Variants in PITPNM2 observed in about 807,000 individuals in gnomAD.
PITPNM2 encodes phosphatidylinositol transfer protein membrane associated 2, also known as membrane-associated phosphatidylinositol transfer protein 2.
In PITPNM2, 35 loss-of-function variants were observed where a neutral mutation model predicts 132.2. That is an observed-to-expected ratio of 0.26 (90% CI 0.20 to 0.35). The LOEUF (loss-of-function observed/expected upper bound fraction) is 0.35, where lower values mean the gene tolerates loss of function less well. PITPNM2 is among the 10% of genes least tolerant of loss of function. The pLI, the probability that PITPNM2 is intolerant of heterozygous loss-of-function variation, is 1.00. For missense variants in PITPNM2, 1,332 were observed against 1,912.0 expected (o/e 0.70, Z 5.66); for synonymous variants, 738 against 799.2 (o/e 0.92, Z 1.29).
chr12:123,119,271 G>C (rs2137420384), intron 1 of PITPNM2, among the ~76,000 whole-genome samples: 1 of 151,964 alleles, frequency 6.6e-6, no homozygotes, highest in Non-Finnish European at 1.5e-5. Context: ...TTCTGCCTAA[G>C]CTTTGTCATG....
chr12:123,024,143 A>G (rs1449725336), intron 3 of PITPNM2, among the ~76,000 whole-genome samples: 2 of 152,226 alleles, frequency 1.3e-5, no homozygotes, highest in Non-Finnish European at 2.9e-5. Flanking sequence ...TTTCTACAAA[A>G]AGATTATACA....
chr12:122,992,043 C>A lies in PITPNM2; in HGVS notation c.2404+456G>T, dbSNP rs1036068552. On this transcript the variant is annotated intron_variant, in intron 16 of 25. Transcript: ENST00000320201. This position sits in a 1 kb window ranked among gnomAD's most constrained non-coding sequence, Gnocchi z 6.5. ...ACACACGCTGGGGCAGGGGTCGGGCCAAGCCTACCTGGACCTCCCCTGCCC... is the reference window on the plus strand; with the variant it reads ...ACACACGCTGGGGCAGGGGTCGGGCAAAGCCTACCTGGACCTCCCCTGCCC... 3.3e-5 allele frequency: 24 copies of A among 719,510 alleles called. No homozygotes were observed. The Admixed American group carries it at 7.9e-4, about 24-fold the overall frequency. The allele number at this position is 719,510 out of a possible 1,614,324, so 44.6% of individuals were successfully genotyped here.
intron 1 of PITPNM2, among the ~76,000 whole-genome samples, chr12:123,121,072 T>A (rs532360968): frequency 5.5e-4 from 84 of 152,352 alleles, no homozygotes; most frequent in African/African-American, 2.0e-3. Context: ...GCTCCTTCTC[T>A]GGGGAGCTGA....
intron 23 of PITPNM2, 116 bp downstream of exon 23, chr12:122,987,165 T>A (rs1479567062): frequency 6.9e-7 from 1 of 1,446,096 alleles, no homozygotes; most frequent in Admixed American, 1.9e-5. Flanking sequence ...TAAGGCCCAG[T>A]GCCCGAGCCA....
chr12:122,997,689 G>T (rs2038491172), intron 10 of PITPNM2, 117 bp from the exon 11 acceptor site: 1 of 1,415,298 alleles, frequency 7.1e-7, no homozygotes, highest in African/African-American at 1.4e-5. Flanking sequence ...CTCCCTCTGA[G>T]AACCCCAGTT....
At position 123,005,646 on chromosome 12, in the gene PITPNM2, G is replaced by T; in HGVS notation, c.644-98C>A. On this transcript the variant is annotated intron_variant, in intron 6 of 25. Coordinates refer to ENST00000320201, the MANE Select transcript of PITPNM2 (RefSeq NM_020845.3). The surrounding 1 kb of genome is among the most constrained non-coding windows in gnomAD (Gnocchi z 6.2). ...GGGGCCCAGGCAGGGGCTTTGGGAG[G>T]CTGTACCCATGTTGCAGGTCAAACT... is the stretch of plus-strand genomic sequence containing the variant. The T allele has an allele frequency of 8.0e-7, 1 of 1,243,988 alleles. No individual in the cohort carries two copies. The highest frequency in any genetic ancestry group is 1.1e-6 in the Non-Finnish European group (1 of 893,284). The allele number at this position is 1,243,988 out of a possible 1,614,324, so 77.1% of individuals were successfully genotyped here.
At chr12:123,068,502 A>T (rs7968045) in intron 2 of PITPNM2, among the ~76,000 whole-genome samples, 85 of 138,220 alleles carry the variant, frequency 6.1e-4, no homozygotes, top group African/African-American at 2.7e-3. Flanking sequence ...AATAAATAAA[A>T]ATAATCCTTG....
At chr12:123,030,679 C>T (rs998074242) in intron 3 of PITPNM2, among the ~76,000 whole-genome samples, 6 of 148,914 alleles carry the variant, frequency 4.0e-5, no homozygotes, top group African/African-American at 1.5e-4. Flanking sequence ...GGCGACAGAG[C>T]GAGACTCCAT....
At chr12:123,127,364 C>T (rs532468361) in intron 1 of PITPNM2, among the ~76,000 whole-genome samples, 2 of 152,088 alleles carry the variant, frequency 1.3e-5, no homozygotes, top group Non-Finnish European at 1.5e-5. Flanking sequence ...AGGTCACTGG[C>T]GTGTTGATGC....
chr12:122,996,693 T>C (rs761724324), intron 12 of PITPNM2, 28 bp downstream of exon 12: 2 of 1,610,096 alleles, frequency 1.2e-6, no homozygotes, highest in Non-Finnish European at 1.7e-6. Flanking sequence ...TCCATCCTCC[T>C]CCCCTCCCCA....
At chr12:123,032,345 C>T (rs559235962) in intron 3 of PITPNM2, among the ~76,000 whole-genome samples, 17 of 152,208 alleles carry the variant, frequency 1.1e-4, no homozygotes, top group South Asian at 6.2e-4. Flanking sequence ...GGTGTGGTGG[C>T]GCGTGCCTGT....
In PITPNM2 at chr12:123,004,332, T is replaced by C. The variant is rs2038826401; in HGVS notation, c.1048+62A>G. ...AGTCCACACCCACACCCTAAGCCCT[T>C]TCAGACCCCTCCCCACCTCGCCCAG... is the stretch of plus-strand genomic sequence containing the variant. On this transcript the variant is annotated intron_variant, in intron 8 of 25. Coordinates refer to ENST00000320201, the MANE Select transcript of PITPNM2 (RefSeq NM_020845.3). This position sits in a 1 kb window ranked among gnomAD's most constrained non-coding sequence, Gnocchi z 4.9. 3 of 1,536,760 alleles carry C rather than the reference T, an allele frequency of 2.0e-6. No individual in the cohort carries two copies. The highest frequency in any genetic ancestry group is 2.7e-6 in the Non-Finnish European group (3 of 1,113,262).
intron 10 of PITPNM2, among the ~76,000 whole-genome samples, chr12:122,999,429 A>G (rs1256962901): frequency 6.6e-6 from 1 of 152,162 alleles, no homozygotes; most frequent in African/African-American, 2.4e-5. Context: ...GGGCTTTGAC[A>G]AGGGCTTTTT....
At chr12:123,130,882 G>A (rs1189073711) in intron 1 of PITPNM2, among the ~76,000 whole-genome samples, 1 of 152,156 alleles carries the variant, frequency 6.6e-6, no homozygotes, top group Admixed American at 6.6e-5. Flanking sequence ...TGAGTCAGGA[G>A]GTGGCCAGGG....
At chr12:123,143,358 T>C (rs77250160) in intron 1 of PITPNM2, among the ~76,000 whole-genome samples, 5,514 of 152,228 alleles carry the variant, frequency 0.036, 240 homozygotes, top group East Asian at 0.24. Context: ...GAGTCAGACT[T>C]GGAAGGGAAG....
chr12:123,001,221 G>C (rs1017215776), intron 8 of PITPNM2, 63 bp from the exon 9 acceptor site: 2 of 1,318,330 alleles, frequency 1.5e-6, no homozygotes, highest in East Asian at 2.3e-5. Context: ...GGCTTCCCGA[G>C]GTGGGGACGC....
intron 16 of PITPNM2, chr12:122,991,972 A>G (rs2136084825): frequency 7.9e-7 from 1 of 1,258,090 alleles, no homozygotes; most frequent in East Asian, 2.8e-5. Context: ...GCTCTGACAC[A>G]GAGACTCAGG....
chr12:123,071,010 C>T (rs1372024413), intron 2 of PITPNM2, among the ~76,000 whole-genome samples: 1 of 152,222 alleles, frequency 6.6e-6, no homozygotes, highest in Non-Finnish European at 1.5e-5. Flanking sequence ...AGGAGCCTAT[C>T]CAGCTGGCCC....
chr12:123,012,789 C>G, intron 4 of PITPNM2, 55 bp from the exon 5 acceptor site: 17 of 1,596,632 alleles, frequency 1.1e-5, no homozygotes, highest in Non-Finnish European at 1.5e-5. Flanking sequence ...GCCCAGTGTC[C>G]TGGCCAGGGC....
Sources: gnomAD v4.1 joint callset for allele counts (sites outside exome capture counted in the v4.1 genomes callset) on GRCh38, gnomAD v4.1.1 for gene constraint, Gnocchi (gnomAD v3.1) non-coding constraint, MANE v1.5 for transcripts, NCBI Gene and HGNC (gene_info 2026-07-23, HGNC 2026-07-21) for gene names.